Variants in SPON1 observed in about 807,000 individuals in gnomAD.
SPON1 encodes the protein spondin 1.
In SPON1, 52 loss-of-function variants were observed where a neutral mutation model predicts 111.7. That is an observed-to-expected ratio of 0.47 (90% CI 0.37 to 0.59). The LOEUF (loss-of-function observed/expected upper bound fraction) is 0.59. SPON1 is among the 20% of genes least tolerant of loss of function. The probability of loss-of-function intolerance (pLI) is 0.00; values close to 1 mark genes in which losing one functional copy is unlikely to be tolerated. For synonymous variants in SPON1, 410 were observed against 395.8 expected (o/e 1.04, Z -0.43); for missense variants, 957 against 1,068.5 (o/e 0.90, Z 1.46).
Position 13,987,704 on chromosome 11 carries a change from G to C in SPON1, c.345+4751G>C, listed in dbSNP as rs185955625. On this transcript the variant is annotated intron_variant, in intron 2 of 15. Transcript: ENST00000576479. ...TCCTAGGTCTTACATTTAAGTTTCT[G>C]ATCCACCTTGAGCTGATTTTTGTAT... Among the ~76,000 whole-genome samples the C allele has an allele frequency of 1.1e-3, 171 of 152,178 alleles. 3 individuals carry two copies. The Middle Eastern group carries it at 0.014, about 12-fold the overall frequency.
intron 6 of SPON1, among the ~76,000 whole-genome samples, chr11:14,159,522 C>CT (rs1847886143): frequency 6.6e-6 from 1 of 152,104 alleles, no homozygotes; most frequent in African/African-American, 2.4e-5. Context: ...ATTCAGCAAT[C>CT]CCACTGCTGG....
chr11:14,182,598 G>A (rs1451459930), intron 6 of SPON1, among the ~76,000 whole-genome samples: 2 of 152,072 alleles, frequency 1.3e-5, no homozygotes, highest in Non-Finnish European at 2.9e-5. Flanking sequence ...TGCAATTTGG[G>A]TATTGCACAA....
chr11:14,251,399 C>T (rs1414298880), intron 7 of SPON1, among the ~76,000 whole-genome samples: 2 of 152,270 alleles, frequency 1.3e-5, no homozygotes, highest in Non-Finnish European at 2.9e-5. Flanking sequence ...ACAGATTGGG[C>T]CAAAATGCAT....
chr11:14,259,749 G>T lies in SPON1; in HGVS notation c.1831+48G>T. 1 of 1,530,328 alleles carries T rather than the reference G, an allele frequency of 6.5e-7. No individual in the cohort carries two copies. The highest frequency in any genetic ancestry group is 8.8e-7 in the Non-Finnish European group (1 of 1,133,836). The allele number at this position is 1,530,328 out of a possible 1,614,324, so 94.8% of individuals were successfully genotyped here. On this transcript the variant is annotated intron_variant, in intron 13 of 15. Coordinates refer to ENST00000576479, the MANE Select transcript of SPON1 (RefSeq NM_006108.4). The surrounding 1 kb of genome is among the most constrained non-coding windows in gnomAD (Gnocchi z 5.0). ...TTGGAGGAGGCCACTGGGGACAGGC[G>T]TGGAGGGCCATGGCATCCACTATTA...
chr11:13,984,145 C>T (rs1325687970), intron 2 of SPON1, among the ~76,000 whole-genome samples: 3 of 152,184 alleles, frequency 2.0e-5, no homozygotes, highest in African/African-American at 7.2e-5. Flanking sequence ...ATATGCCAGA[C>T]ACTATGCTAA....
At chr11:14,197,314 C>A (rs189041537) in intron 6 of SPON1, among the ~76,000 whole-genome samples, 51 of 152,214 alleles carry the variant, frequency 3.4e-4, no homozygotes, top group Middle Eastern at 3.4e-3. Context: ...GATCTCCCCC[C>A]TTACATTTCA....
chr11:14,095,897 C>T (rs1248576759), intron 5 of SPON1, among the ~76,000 whole-genome samples: 1 of 152,210 alleles, frequency 6.6e-6, no homozygotes, highest in South Asian at 2.1e-4. Context: ...CCACTGCTTC[C>T]TTCTTCCATC....
At chr11:14,039,519 G>A (rs138273308) in intron 2 of SPON1, among the ~76,000 whole-genome samples, 1 of 152,048 alleles carries the variant, frequency 6.6e-6, no homozygotes, top group East Asian at 1.9e-4. Context: ...AGTGCTCTAA[G>A]AAAATAAAAT....
At chr11:13,973,979 C>T (rs146506720) in intron 1 of SPON1, among the ~76,000 whole-genome samples, 2 of 152,278 alleles carry the variant, frequency 1.3e-5, no homozygotes, top group African/African-American at 4.8e-5. Flanking sequence ...GAAGGCCATC[C>T]AGGGGAACAG....
chr11:14,080,120 C>G, intron 5 of SPON1, 99 bp downstream of exon 5: 2 of 1,395,318 alleles, frequency 1.4e-6, no homozygotes, highest in Non-Finnish European at 2.0e-6. Flanking sequence ...GATCTGCTCC[C>G]TAGTATTGGC....
At chr11:13,982,711 G>A in intron 1 of SPON1, 136 bp from the exon 2 acceptor site, 1 of 634,990 alleles carries the variant, frequency 1.6e-6, no homozygotes, top group East Asian at 2.8e-5. Context: ...CTCAATGGAT[G>A]AAGGCCTCAA....
chr11:14,185,279 CT>C (rs1554933972), intron 6 of SPON1, among the ~76,000 whole-genome samples: 1 of 152,182 alleles, frequency 6.6e-6, no homozygotes, highest in Non-Finnish European at 1.5e-5. Flanking sequence ...TTACTATTGG[CT>C]ATAGAGTTTA....
intron 1 of SPON1, among the ~76,000 whole-genome samples, chr11:13,969,507 A>G (rs1160195116): frequency 6.6e-6 from 1 of 152,158 alleles, no homozygotes; most frequent in Non-Finnish European, 1.5e-5. Context: ...AATGAAAGGA[A>G]TGAGGGTAAG....
Position 14,135,421 on chromosome 11 carries a change from T to C in SPON1, c.678T>C (p.Arg226=), listed in dbSNP as rs901168287. The part of the protein sequence containing the change: ...SEKTHPKDYP[R]RANHWSAIIG... ...CTGCCTCCTGATTGGCTTTCCCAGGTCGGGCCAACCACTGGTCTGCGATCA... is the reference window on the plus strand; with the variant it reads ...CTGCCTCCTGATTGGCTTTCCCAGGCCGGGCCAACCACTGGTCTGCGATCA... The change falls in exon 6 of 16, where the codon CGT becomes CGC. Residue 226 remains arginine, a splice_region_variant and synonymous_variant. Transcript: ENST00000576479. The surrounding 1 kb of genome is among the most constrained non-coding windows in gnomAD (Gnocchi z 4.4). The C allele has an allele frequency of 5.6e-6, 9 of 1,605,680 alleles. No individual in the cohort carries two copies. In the Admixed American group the frequency reaches 8.4e-5, roughly 15 times the overall value.
At chr11:13,993,697 G>T (rs1848249467) in intron 2 of SPON1, among the ~76,000 whole-genome samples, 1 of 152,108 alleles carries the variant, frequency 6.6e-6, no homozygotes, top group South Asian at 2.1e-4. Context: ...TGTGCTATCT[G>T]TCACCTTCCA....
chr11:14,069,753 T>C (rs1355017990), intron 3 of SPON1, among the ~76,000 whole-genome samples: 1 of 152,052 alleles, frequency 6.6e-6, no homozygotes, highest in Non-Finnish European at 1.5e-5. Flanking sequence ...CTGGAATTGC[T>C]TTTTTGCAGT....
intron 6 of SPON1, among the ~76,000 whole-genome samples, chr11:14,217,031 C>T (rs1848632652): frequency 6.6e-6 from 1 of 152,200 alleles, no homozygotes; most frequent in Admixed American, 6.5e-5. Flanking sequence ...CAGTAGGATA[C>T]TGGTGAAGCC....
chr11:14,112,153 C>T (rs1259814370), intron 5 of SPON1, among the ~76,000 whole-genome samples: 2 of 151,758 alleles, frequency 1.3e-5, no homozygotes, highest in Non-Finnish European at 1.5e-5. Flanking sequence ...AGACCAAAGC[C>T]TTACATTGAC....
intron 6 of SPON1, among the ~76,000 whole-genome samples, chr11:14,139,107 C>G (rs565927777): frequency 2.0e-5 from 3 of 152,296 alleles, no homozygotes; most frequent in Admixed American, 6.5e-5. Flanking sequence ...CTTATCAAAG[C>G]CTGAATACCC....
Sources: gnomAD v4.1 joint callset for allele counts (sites outside exome capture counted in the v4.1 genomes callset) on GRCh38, gnomAD v4.1.1 for gene constraint, Gnocchi (gnomAD v3.1) non-coding constraint, MANE v1.5 for transcripts, NCBI Gene and HGNC (gene_info 2026-07-23, HGNC 2026-07-21) for gene names.